Variants in COQ10B observed in about 807,000 individuals in gnomAD.
COQ10B encodes the protein coenzyme Q-binding protein COQ10 homolog B, mitochondrial.
COQ10B carries 12 observed loss-of-function variants against 27.6 expected under a neutral mutation model. That is an observed-to-expected ratio of 0.43 (90% confidence interval 0.28 to 0.70). The LOEUF is 0.70. COQ10B is among the 30% of genes least tolerant of loss of function. COQ10B has a pLI of 0.17. For missense variants in COQ10B, 278 were observed against 288.7 expected (o/e 0.96, Z 0.27); for synonymous variants, 115 against 103.0 (o/e 1.12, Z -0.71).
intron 1 of COQ10B, 114 bp from the exon 2 acceptor site, chr2:197,459,818 C>A: frequency 5.0e-6 from 3 of 596,258 alleles, no homozygotes; most frequent in African/African-American, 1.9e-5. Flanking sequence ...TTTTCAGAAA[C>A]ATTCTGAAGT....
In COQ10B at chr2:197,460,064, A is replaced by G. The variant is rs1368385882; in HGVS notation, c.237A>G (p.Ser79=). 3 of 1,606,808 alleles carry G rather than the reference A, an allele frequency of 1.9e-6. No individual in the cohort carries two copies. The highest frequency in any genetic ancestry group is 1.7e-6 in the Non-Finnish European group (2 of 1,176,086). ...APLINKRKEY[S]ERRILGYSMQ... ...TAATAAACAAAAGGAAAGAATATTC[A>G]GAGAGAAGAATTTTAGGGTTCGTAT... The change falls in exon 2 of 5, where the codon TCA becomes TCG. Residue 79 remains serine, a synonymous_variant. Coordinates refer to ENST00000263960, the MANE Select transcript of COQ10B (RefSeq NM_025147.5).
At chr2:197,455,845 A>C (rs1171352042) in intron 1 of COQ10B, among the ~76,000 whole-genome samples, 3 of 152,144 alleles carry the variant, frequency 2.0e-5, no homozygotes, top group South Asian at 2.1e-4. Context: ...CTGTGGTCCC[A>C]GCTCATTGGG....
In COQ10B at chr2:197,461,587, GT is replaced by G. The variant is rs2085758337; in HGVS notation, c.255-951del. 2.6e-5 allele frequency among the ~76,000 whole-genome samples: 4 copies of G among 151,480 alleles called. No individual in the cohort carries two copies. In the South Asian group the frequency reaches 8.3e-4, roughly 32 times the overall value. ...TGTGTGTGTGTGTGTGTGTGTGTGT[GT>G]GTGTGTGAGGGAGGGAGAGGGAGAG... is the stretch of plus-strand genomic sequence containing the variant. On this transcript the variant is annotated intron_variant, in intron 2 of 4. Coordinates refer to ENST00000263960, the MANE Select transcript of COQ10B (RefSeq NM_025147.5).
At chr2:197,469,400 A>G (rs1033396699) in intron 3 of COQ10B, among the ~76,000 whole-genome samples, 1 of 152,244 alleles carries the variant, frequency 6.6e-6, no homozygotes, top group African/African-American at 2.4e-5. Flanking sequence ...GATACAAAAT[A>G]GGAACTACCA....
At position 197,463,476 on chromosome 2, in the gene COQ10B, T is replaced by TA. The variant is rs777842364; in HGVS notation, c.447+761dup. Among the ~76,000 whole-genome samples, 764 of 109,588 alleles carry TA rather than the reference T, an allele frequency of 7.0e-3. 5 individuals carry two copies. Among genetic ancestry groups the TA allele is most frequent in the Middle Eastern group, 0.02 (4 of 200 alleles). 71.9% of individuals were successfully genotyped at this position (109,588 alleles called of 152,430 possible). On this transcript the variant is annotated intron_variant, in intron 3 of 4. Transcript: ENST00000263960. ...ACACAGTGAGACTCTGTCTCAAAAT[T>TA]AAAAAAAAAAAAAAAAGATATAAAT... is the stretch of plus-strand genomic sequence containing the variant.
chr2:197,473,193 A>G (rs912616559), intron 4 of COQ10B, among the ~76,000 whole-genome samples: 26 of 151,906 alleles, frequency 1.7e-4, no homozygotes, highest in Non-Finnish European at 1.0e-4. Context: ...ACATCCACAC[A>G]ATTCTACCTT....
intron 2 of COQ10B, among the ~76,000 whole-genome samples, chr2:197,462,050 A>G (rs2085766420): frequency 2.0e-5 from 3 of 152,112 alleles, no homozygotes; most frequent in Admixed American, 6.5e-5. Context: ...TGGGCGGATC[A>G]CCAGGTCAGG....
At chr2:197,464,506 C>G (rs754872164) in intron 3 of COQ10B, among the ~76,000 whole-genome samples, 2 of 152,104 alleles carry the variant, frequency 1.3e-5, no homozygotes, top group Admixed American at 6.5e-5. Flanking sequence ...CCTATTCTTA[C>G]CCTTAAAACT....
intron 1 of COQ10B, among the ~76,000 whole-genome samples, chr2:197,457,927 T>C (rs1381661398): frequency 1.3e-5 from 2 of 151,926 alleles, no homozygotes; most frequent in Non-Finnish European, 2.9e-5. Flanking sequence ...CGGCCTCCAT[T>C]ACATTTTAAC....
At chr2:197,454,914 G>A (rs1216258654) in intron 1 of COQ10B, among the ~76,000 whole-genome samples, 1 of 152,110 alleles carries the variant, frequency 6.6e-6, no homozygotes, top group African/African-American at 2.4e-5. Flanking sequence ...CAGTTGTCCA[G>A]TATTCATTTC....
intron 4 of COQ10B, 26 bp downstream of exon 4, chr2:197,470,197 G>T (rs532165858): frequency 7.2e-7 from 1 of 1,392,680 alleles, no homozygotes; most frequent in Admixed American, 1.7e-5. Context: ...CCCTTGATTT[G>T]TTCCACTTAT....
chr2:197,466,959 T>C (rs1303133171), intron 3 of COQ10B, among the ~76,000 whole-genome samples: 3 of 152,176 alleles, frequency 2.0e-5, no homozygotes, highest in African/African-American at 7.2e-5. Flanking sequence ...TTTTTTTTTT[T>C]TTTGAGACCA....
At chr2:197,463,915 CA>C (rs2085787732) in intron 3 of COQ10B, among the ~76,000 whole-genome samples, 1 of 68,310 alleles carries the variant, frequency 1.5e-5, no homozygotes, top group Admixed American at 1.9e-4. Context: ...GCCTGGGCAA[CA>C]AGAATGAAAC....
intron 3 of COQ10B, 140 bp downstream of exon 3, chr2:197,462,871 G>A (rs1312103872): frequency 1.9e-6 from 1 of 520,134 alleles, no homozygotes; most frequent in Non-Finnish European, 3.4e-6. Context: ...TCCTAACTGT[G>A]TTACTTTATA....
rs1490411483 is a variant in COQ10B, at chr2:197,453,654, C to T, written c.94C>T (p.Arg32Trp). 1 of 1,613,436 alleles carries T rather than the reference C, an allele frequency of 6.2e-7. No individual in the cohort carries two copies. The highest frequency in any genetic ancestry group is 1.7e-5 in the Admixed American group (1 of 59,992). The change falls in exon 1 of 5, where the codon CGG (arginine) becomes TGG (tryptophan). Residue 32 changes from arginine to tryptophan, a missense_variant. Arg to Trp is a moderately radical substitution (Grantham distance 101). Coordinates refer to ENST00000263960, the MANE Select transcript of COQ10B (RefSeq NM_025147.5). ...ATAAGAQAPVRNGRYLASCGI... is the reference protein window; with the variant it reads ...ATAAGAQAPVWNGRYLASCGI... ...AGCGGCCGGGGCGCAGGCGCCCGTGCGGAATGGCAGGTAATCAACAGCGGG... is the reference window on the plus strand; with the variant it reads ...AGCGGCCGGGGCGCAGGCGCCCGTGTGGAATGGCAGGTAATCAACAGCGGG...
intron 3 of COQ10B, among the ~76,000 whole-genome samples, chr2:197,464,022 C>CACACACACACACAT (rs1553574118): frequency 7.0e-5 from 7 of 99,682 alleles, no homozygotes; most frequent in Admixed American, 1.3e-4. Context: ...CACACACACA[C>CACACACACACACAT]ACACATACAT....
intron 3 of COQ10B, among the ~76,000 whole-genome samples, chr2:197,463,554 G>A (rs1273646457): frequency 1.3e-5 from 2 of 151,360 alleles, no homozygotes; most frequent in African/African-American, 4.9e-5. Flanking sequence ...GCTAGAGAGA[G>A]CTGTGATTAA....
At chr2:197,460,987 G>C (rs1202091020) in intron 2 of COQ10B, among the ~76,000 whole-genome samples, 1 of 152,200 alleles carries the variant, frequency 6.6e-6, no homozygotes, top group African/African-American at 2.4e-5. Flanking sequence ...TCCCTCCATA[G>C]GGGAATTTCT....
chr2:197,461,687 A>G (rs1209069883), intron 2 of COQ10B, among the ~76,000 whole-genome samples: 3 of 150,680 alleles, frequency 2.0e-5, no homozygotes, highest in Non-Finnish European at 4.4e-5. Context: ...CTCACTCTAT[A>G]GCCCAGGCTG....
Sources: gnomAD v4.1 joint callset for allele counts (sites outside exome capture counted in the v4.1 genomes callset) on GRCh38, gnomAD v4.1.1 for gene constraint, MANE v1.5 for transcripts, NCBI Gene and HGNC (gene_info 2026-07-23, HGNC 2026-07-21) for gene names.